The following SNTG1 variants were observed in gnomAD, a reference collection of about 807,000 sequenced individuals.
SNTG1 encodes gamma-1-syntrophin.
SNTG1 carries 39 observed loss-of-function variants against 74.7 expected under a neutral mutation model. The observed-to-expected ratio is 0.52, with a 90% CI of 0.40 to 0.68. SNTG1 has a LOEUF of 0.68. SNTG1 is among the 30% of genes least tolerant of loss of function. The pLI is 0.00. For missense variants in SNTG1, 685 were observed against 609.5 expected (o/e 1.12, Z -1.30); for synonymous variants, 254 against 217.1 (o/e 1.17, Z -1.49).
chr8:50,110,166 T>G (rs2080528101), intron 1 of SNTG1, among the ~76,000 whole-genome samples: 1 of 152,208 alleles, frequency 6.6e-6, no homozygotes, highest in South Asian at 2.1e-4. Flanking sequence ...CTTATCATCA[T>G]GCATCTAGTG....
At chr8:50,202,063 CCTT>C (rs1166973608) in intron 2 of SNTG1, among the ~76,000 whole-genome samples, 24 of 152,230 alleles carry the variant, frequency 1.6e-4, no homozygotes, top group Admixed American at 5.9e-4. Flanking sequence ...TATAGACAAT[CCTT>C]CTTTCCAGAG....
rs868149907 is a variant in SNTG1 at position 50,071,426 on chromosome 8, A to G, written c.-102-101135A>G. Reference sequence around the variant, plus strand: ...TCTAAGATATAACAAGATTAAATATATATATGCATATATATGTGTGTGTGT... The same window carrying G: ...TCTAAGATATAACAAGATTAAATATGTATATGCATATATATGTGTGTGTGT... On this transcript the variant is annotated intron_variant, in intron 1 of 18. Transcript: ENST00000642720. Among the ~76,000 whole-genome samples, 16 of 152,270 alleles carry G rather than the reference A, an allele frequency of 1.1e-4. 1 individual carries two copies. In the East Asian group the frequency reaches 1.3e-3, roughly 13 times the overall value.
At chr8:50,777,147 A>G (rs1166828798) in intron 18 of SNTG1, among the ~76,000 whole-genome samples, 1 of 150,462 alleles carries the variant, frequency 6.6e-6, no homozygotes, top group Non-Finnish European at 1.5e-5. Flanking sequence ...AATTTTCGCT[A>G]TTACGTCTTT....
chr8:50,538,233 A>G (rs1178678044), intron 11 of SNTG1, among the ~76,000 whole-genome samples: 3 of 152,140 alleles, frequency 2.0e-5, no homozygotes, highest in Non-Finnish European at 2.9e-5. Context: ...AACTTCCTAT[A>G]TATACATCAA....
chr8:50,512,215 C>A (rs1342934642), intron 9 of SNTG1, among the ~76,000 whole-genome samples: 1 of 152,002 alleles, frequency 6.6e-6, no homozygotes, highest in Non-Finnish European at 1.5e-5. Flanking sequence ...GTTGAAAATT[C>A]TTTTCTTTAA....
intron 13 of SNTG1, among the ~76,000 whole-genome samples, chr8:50,639,898 C>A (rs1013350170): frequency 6.6e-6 from 1 of 151,996 alleles, no homozygotes; most frequent in African/African-American, 2.4e-5. Context: ...AAATAGGTGA[C>A]ATGATAGGTT....
At chr8:50,337,937 C>G (rs536370138) in intron 2 of SNTG1, among the ~76,000 whole-genome samples, 6 of 152,150 alleles carry the variant, frequency 3.9e-5, no homozygotes, top group Non-Finnish European at 8.8e-5. Context: ...GAGATCGAGA[C>G]CATCCTAGCT....
In SNTG1 at chr8:50,126,043, G is replaced by A. The variant is rs886915694; in HGVS notation, c.-102-46518G>A. Reference sequence around the variant, plus strand: ...CTGCCATGCTTTGAACTTTATGCATGAGTACACAATGGCTGGTTCTGCGGC... The same window carrying A: ...CTGCCATGCTTTGAACTTTATGCATAAGTACACAATGGCTGGTTCTGCGGC... On this transcript the variant is annotated intron_variant, in intron 1 of 18. Transcript: ENST00000642720. 2.0e-5 allele frequency among the ~76,000 whole-genome samples: 3 copies of A among 152,138 alleles called. No individual in the cohort carries two copies. In the South Asian group the frequency reaches 6.2e-4, roughly 32 times the overall value.
intron 1 of SNTG1, among the ~76,000 whole-genome samples, chr8:50,098,806 G>A (rs2080023301): frequency 6.6e-6 from 1 of 152,092 alleles, no homozygotes; most frequent in Non-Finnish European, 1.5e-5. Context: ...TTATTCCTTA[G>A]GCAGGCAATG....
At chr8:50,733,055 TGATA>T (rs2095516776) in intron 17 of SNTG1, among the ~76,000 whole-genome samples, 1 of 151,970 alleles carries the variant, frequency 6.6e-6, no homozygotes, top group African/African-American at 2.4e-5. Context: ...GCATAGTACC[TGATA>T]GACAGTTTTT....
chr8:50,660,968 C>G (rs1166008533), intron 15 of SNTG1, among the ~76,000 whole-genome samples: 1 of 152,068 alleles, frequency 6.6e-6, no homozygotes, highest in Non-Finnish European at 1.5e-5. Context: ...TTTCATCTAT[C>G]CCATCATTTG....
chr8:50,782,541 G>C lies in SNTG1; in HGVS notation c.1396-10130G>C, dbSNP rs2095662661. Among the ~76,000 whole-genome samples, 3 of 152,048 alleles carry C rather than the reference G, an allele frequency of 2.0e-5. No homozygotes were observed. In the South Asian group the frequency reaches 6.2e-4, roughly 32 times the overall value. Reference sequence around the variant, plus strand: ...ATTCTTCACATAGTTCTTGAGCCTTGGCTTTCAGCTCCATCATCTCCTTTA... The same window carrying C: ...ATTCTTCACATAGTTCTTGAGCCTTCGCTTTCAGCTCCATCATCTCCTTTA... On this transcript the variant is annotated intron_variant, in intron 18 of 18. Transcript: ENST00000642720.
At chr8:50,326,979 C>T (rs1408214243) in intron 2 of SNTG1, among the ~76,000 whole-genome samples, 2 of 151,542 alleles carry the variant, frequency 1.3e-5, no homozygotes, top group South Asian at 4.2e-4. Context: ...GTTGTTTAAT[C>T]CTCAAGTGTT....
rs529608145 is a variant in SNTG1, at chr8:50,127,370, T to C, written c.-102-45191T>C. 2.0e-5 allele frequency among the ~76,000 whole-genome samples: 3 copies of C among 152,212 alleles called. No homozygotes were observed. The East Asian group carries it at 5.8e-4, about 29-fold the overall frequency. Reference sequence around the variant, plus strand: ...ATGAAGGTATGGACTTACTTAGCAATAGTAAAAACAGTGCATCAGATTTAA... The same window carrying C: ...ATGAAGGTATGGACTTACTTAGCAACAGTAAAAACAGTGCATCAGATTTAA... On this transcript the variant is annotated intron_variant, in intron 1 of 18. Coordinates refer to ENST00000642720, the MANE Select transcript of SNTG1 (RefSeq NM_018967.5).
At chr8:50,243,482 G>A (rs866674919) in intron 2 of SNTG1, among the ~76,000 whole-genome samples, 6 of 151,828 alleles carry the variant, frequency 4.0e-5, no homozygotes, top group South Asian at 2.1e-4. Context: ...AAAACTCTCC[G>A]GATTTGAAGG....
chr8:50,285,875 A>G (rs145635165), intron 2 of SNTG1, among the ~76,000 whole-genome samples: 1 of 151,504 alleles, frequency 6.6e-6, no homozygotes, highest in African/African-American at 2.4e-5. Flanking sequence ...TATAGCAAGT[A>G]TAAAACATTT....
chr8:50,661,481 A>G (rs1240590689), intron 15 of SNTG1, among the ~76,000 whole-genome samples: 1 of 152,162 alleles, frequency 6.6e-6, no homozygotes, highest in African/African-American at 2.4e-5. Flanking sequence ...ATTAAAATCA[A>G]AGACTACTTC....
chr8:50,721,118 T>C (rs1298254944), intron 17 of SNTG1, among the ~76,000 whole-genome samples: 10 of 152,154 alleles, frequency 6.6e-5, no homozygotes. Context: ...TCACCTTCCA[T>C]TTGTACATTA....
intron 2 of SNTG1, among the ~76,000 whole-genome samples, chr8:50,197,846 G>T (rs894955876): frequency 1.3e-5 from 2 of 151,480 alleles, no homozygotes; most frequent in Non-Finnish European, 2.9e-5. Flanking sequence ...TTTTCCCGTT[G>T]GTTTTACTGG....
Sources: allele counts gnomAD v4.1 joint callset (sites outside exome capture counted in the v4.1 genomes callset), GRCh38; gene constraint gnomAD v4.1.1; transcripts MANE v1.5; gene names NCBI Gene and HGNC (gene_info 2026-07-23, HGNC 2026-07-21).